Variants in PALD1 observed in about 807,000 individuals in gnomAD.
PALD1 encodes paladin.
In PALD1, 57 loss-of-function variants were observed where a neutral mutation model predicts 96.0. That is an observed-to-expected ratio of 0.59 (90% CI 0.48 to 0.74). The LOEUF (loss-of-function observed/expected upper bound fraction) is 0.74, where lower values mean the gene tolerates loss of function less well. Among genes scored for constraint, PALD1 ranks in the 30% least tolerant of loss-of-function variants. PALD1 has a pLI of 0.00. For missense variants in PALD1, 1,063 were observed against 1,143.7 expected (o/e 0.93, Z 1.02); for synonymous variants, 464 against 473.6 (o/e 0.98, Z 0.26).
intron 1 of PALD1, among the ~76,000 whole-genome samples, chr10:70,499,773 G>A (rs541893360): frequency 3.3e-5 from 5 of 152,304 alleles, no homozygotes; most frequent in East Asian, 1.9e-4. Context: ...TGCCTGATGG[G>A]CTGGTGTGAG....
At position 70,525,917 on chromosome 10, in the gene PALD1, C is replaced by A. The variant is rs139172268; in HGVS notation, c.-29-6C>A. ...CTCCTTCACTGCACACCCTCTTATC[C>A]TACAGGTCTGGGGTCCTGAGGCTGC... is the stretch of plus-strand genomic sequence containing the variant. On this transcript the variant is annotated splice_polypyrimidine_tract_variant and splice_region_variant and intron_variant, in intron 1 of 19. Transcript: ENST00000263563. 6.2e-7 allele frequency: 1 copy of A among 1,611,900 alleles called. No homozygotes were observed. Among genetic ancestry groups the A allele is most frequent in the East Asian group, 2.2e-5 (1 of 44,870 alleles).
upstream of PALD1, among the ~76,000 whole-genome samples, chr10:70,474,421 C>T (rs568976431): frequency 1.5e-4 from 23 of 152,048 alleles, no homozygotes; most frequent in East Asian, 3.9e-4. Flanking sequence ...ATTATCTGGG[C>T]GTGGTGGCGG....
intron 1 of PALD1, among the ~76,000 whole-genome samples, chr10:70,505,996 G>A (rs899449975): frequency 6.6e-6 from 1 of 151,816 alleles, no homozygotes; most frequent in Admixed American, 6.6e-5. Context: ...ACTCCAGCCT[G>A]GGTGACAAAG....
At position 70,478,919 on chromosome 10, in the gene PALD1, G is replaced by T. The variant is rs943345339; in HGVS notation, c.-170G>T. The T allele has an allele frequency of 3.3e-5, 5 of 152,058 alleles. No homozygotes were observed. The highest frequency in any genetic ancestry group is 7.4e-5 in the Non-Finnish European group (5 of 68,010). 9.4% of individuals were successfully genotyped at this position (152,058 alleles called of 1,614,324 possible). On this transcript the variant is annotated 5_prime_UTR_variant, in exon 1 of 20. Coordinates refer to ENST00000263563, the MANE Select transcript of PALD1 (RefSeq NM_014431.3). ...CGGAGCCACCTCTGCCCCCGCATGG[G>T]CTGGCGAAGTTGGGAGGAGCGAGCT...
intron 18 of PALD1, among the ~76,000 whole-genome samples, chr10:70,551,261 G>C (rs1333426534): frequency 6.6e-6 from 1 of 152,118 alleles, no homozygotes; most frequent in Non-Finnish European, 1.5e-5. Flanking sequence ...CTCACCTGTG[G>C]TATCAGCTGT....
chr10:70,529,208 G>GA, intron 2 of PALD1, 21 bp from the exon 3 acceptor site: 1 of 273,318 alleles, frequency 3.7e-6, no homozygotes, highest in Non-Finnish European at 7.3e-6. Flanking sequence ...TTTCCATTCT[G>GA]CCCCCCCCCC....
At chr10:70,480,689 T>C (rs1431045443) in intron 1 of PALD1, among the ~76,000 whole-genome samples, 1 of 151,870 alleles carries the variant, frequency 6.6e-6, no homozygotes, top group African/African-American at 2.4e-5. Flanking sequence ...GTTCTGGGAG[T>C]GGGAGTTGCT....
upstream of PALD1, among the ~76,000 whole-genome samples, chr10:70,478,228 G>A (rs1294569646): frequency 6.6e-6 from 1 of 152,214 alleles, no homozygotes; most frequent in Non-Finnish European, 1.5e-5. Context: ...ACCGTCTGCT[G>A]TTTAGGGGCT....
Position 70,547,366 on chromosome 10 carries a change from G to A in PALD1, c.2182G>A (p.Ala728Thr), listed in dbSNP as rs200000878. The A allele has an allele frequency of 5.5e-5, 88 of 1,612,374 alleles. No individual in the cohort carries two copies. The highest frequency in any genetic ancestry group is 3.3e-5 in the Admixed American group (2 of 59,994). The part of the protein sequence containing the change: ...DGHRVKKEVD[A>T]ALDTVSETMT... ...GCACCGTGTGAAGAAGGAGGTGGAC[G>A]CAGCGCTGGACACTGTCAGCGAGAC... is the stretch of plus-strand genomic sequence containing the variant. Residue 728 changes from alanine to threonine, a missense_variant, in exon 18 of 20, where the codon GCA (alanine) becomes ACA (threonine). Transcript: ENST00000263563.
At chr10:70,463,505 C>T in the PALD1 span, among the ~76,000 whole-genome samples, 2 of 152,048 alleles carry the variant, frequency 1.3e-5, no homozygotes, top group African/African-American at 2.4e-5. Flanking sequence ...AGACATAATT[C>T]TACCTGCTCT....
At chr10:70,468,650 C>T in the PALD1 span, among the ~76,000 whole-genome samples, 2 of 150,268 alleles carry the variant, frequency 1.3e-5, no homozygotes, top group South Asian at 2.1e-4. Context: ...TTCTTATGGA[C>T]GGGGTGTAGT....
chr10:70,492,235 A>C (rs1160503927), intron 1 of PALD1, among the ~76,000 whole-genome samples: 1 of 152,124 alleles, frequency 6.6e-6, no homozygotes, highest in Non-Finnish European at 1.5e-5. Flanking sequence ...TCATTAAGTC[A>C]TATACAGACG....
intron 4 of PALD1, 26 bp from the exon 5 acceptor site, chr10:70,531,264 T>C (rs1846983443): frequency 6.2e-7 from 1 of 1,601,866 alleles, no homozygotes; most frequent in East Asian, 2.2e-5. Flanking sequence ...TGATGATGGC[T>C]TCCTTCCCCC....
chr10:70,480,015 T>G (rs1292172746), intron 1 of PALD1, among the ~76,000 whole-genome samples: 1 of 152,238 alleles, frequency 6.6e-6, no homozygotes, highest in Non-Finnish European at 1.5e-5. Flanking sequence ...CACCATTAAT[T>G]GCTATGTGAG....
intron 1 of PALD1, among the ~76,000 whole-genome samples, chr10:70,503,937 G>T (rs1846341834): frequency 6.6e-6 from 1 of 152,222 alleles, no homozygotes; most frequent in Admixed American, 6.5e-5. Context: ...GGAGCGTGAT[G>T]TAAGATGAGG....
chr10:70,470,263 G>A, the PALD1 span, among the ~76,000 whole-genome samples: 1 of 152,190 alleles, frequency 6.6e-6, no homozygotes, highest in Non-Finnish European at 1.5e-5. Context: ...TCTGGACAAT[G>A]GGTGTATAGA....
rs777999420 is a variant in PALD1 at position 70,531,395 on chromosome 10, C to T, written c.574C>T (p.Leu192Phe). The change falls in exon 5 of 20, where the codon CTC (leucine) becomes TTC (phenylalanine). Residue 192 changes from leucine to phenylalanine, a missense_variant. Physicochemically the swap from Leu to Phe is conservative, Grantham distance 22. Transcript: ENST00000263563. Reference sequence around the variant, plus strand: ...AGACAAGCAGAACCTTCATGAGAACCTCCAGGGCCTTGGACCCGGGGTCCG... The same window carrying T: ...AGACAAGCAGAACCTTCATGAGAACTTCCAGGGCCTTGGACCCGGGGTCCG... ...PRDKQNLHENLQGLGPGVRVE... is the reference protein window; with the variant it reads ...PRDKQNLHENFQGLGPGVRVE... 2.5e-6 allele frequency: 4 copies of T among 1,614,098 alleles called. No homozygotes were observed. Among genetic ancestry groups the T allele is most frequent in the Admixed American group, 1.7e-5 (1 of 60,022 alleles).
At chr10:70,509,774 C>G (rs1255499061) in intron 1 of PALD1, among the ~76,000 whole-genome samples, 1 of 152,178 alleles carries the variant, frequency 6.6e-6, no homozygotes, top group Non-Finnish European at 1.5e-5. Context: ...TGGAACTTCT[C>G]TCTAGGAGGG....
intron 1 of PALD1, among the ~76,000 whole-genome samples, chr10:70,510,659 G>C (rs1228838536): frequency 6.6e-6 from 1 of 152,130 alleles, no homozygotes; most frequent in East Asian, 1.9e-4. Flanking sequence ...TCCCATCCAG[G>C]TAACACCTTC....
Sources: gnomAD v4.1 joint callset for allele counts (sites outside exome capture counted in the v4.1 genomes callset) on GRCh38, gnomAD v4.1.1 for gene constraint, MANE v1.5 for transcripts, NCBI Gene and HGNC (gene_info 2026-07-23, HGNC 2026-07-21) for gene names.